RIC8B: variants seen among roughly 807,000 people sequenced by gnomAD.
The protein encoded by RIC8B is RIC8 guanine nucleotide exchange factor B, also known as chaperone Ric-8B.
RIC8B carries 16 observed loss-of-function variants against 57.5 expected under a neutral mutation model. That is an observed-to-expected ratio of 0.28 (90% CI 0.19 to 0.42). The LOEUF is 0.42. RIC8B is among the 10% of genes least tolerant of loss of function. RIC8B has a pLI of 1.00. For synonymous variants in RIC8B, 216 were observed against 250.8 expected (o/e 0.86, Z 1.31); for missense variants, 481 against 677.0 (o/e 0.71, Z 3.21).
intron 2 of RIC8B, among the ~76,000 whole-genome samples, chr12:106,814,250 C>T (rs2045468392): frequency 2.6e-5 from 4 of 152,032 alleles, no homozygotes; most frequent in Admixed American, 2.0e-4. Context: ...AATTTTTTAT[C>T]AGTTTGTCAG....
At chr12:106,784,536 T>A (rs1034671778) in intron 2 of RIC8B, among the ~76,000 whole-genome samples, 4 of 152,086 alleles carry the variant, frequency 2.6e-5, no homozygotes, top group Admixed American at 1.3e-4. Context: ...TTTTAAAATT[T>A]TTTTGTAGAG....
At chr12:106,849,120 G>T (rs954334382) in intron 6 of RIC8B, among the ~76,000 whole-genome samples, 15 of 152,054 alleles carry the variant, frequency 9.9e-5, no homozygotes, top group African/African-American at 3.6e-4. Context: ...AGCTAAAAGA[G>T]TGTAATTGGA....
At position 106,887,886 on chromosome 12, in the gene RIC8B, C is replaced by T. The variant is rs995357599; in HGVS notation, c.*1871C>T. On this transcript the variant is annotated 3_prime_UTR_variant, in exon 10 of 10. Transcript: ENST00000392837. ...TTAAAAGAAGAAATTAAATCCAGAA[C>T]GCTTTATAAAAGGGTAGGAAGAAGA... The T allele has an allele frequency of 1.4e-4, 21 of 152,406 alleles. No individual in the cohort carries two copies. The highest frequency in any genetic ancestry group is 7.7e-4 in the East Asian group (4 of 5,182). The allele number at this position is 152,406 out of a possible 1,614,324, so 9.4% of individuals were successfully genotyped here. A position where few individuals can be genotyped will look rare whatever the true frequency, so the allele number is the denominator to read the frequency against.
chr12:106,885,759 AAC>A, intron 9 of RIC8B, 143 bp from the exon 10 acceptor site: 2 of 604,502 alleles, frequency 3.3e-6, no homozygotes, highest in Non-Finnish European at 5.8e-6. Context: ...TCCTATTACA[AAC>A]ACACAGAGAA....
intron 9 of RIC8B, among the ~76,000 whole-genome samples, chr12:106,882,599 C>G (rs553195196): frequency 3.0e-4 from 46 of 152,148 alleles, no homozygotes; most frequent in Non-Finnish European, 2.6e-4. Flanking sequence ...TGCCCAAGAT[C>G]ACACAGCTGG....
At chr12:106,851,339 T>G in intron 6 of RIC8B, 111 bp from the exon 7 acceptor site, 3 of 302,494 alleles carry the variant, frequency 9.9e-6, no homozygotes, top group Non-Finnish European at 1.2e-5. Flanking sequence ...TTTTTTTTGC[T>G]CCTACAATAC....
intron 1 of RIC8B, chr12:106,775,192 C>T (rs899909580): frequency 1.2e-5 from 5 of 410,098 alleles, no homozygotes; most frequent in East Asian, 6.3e-5. Flanking sequence ...CATAAAAATA[C>T]GTGCTTCCCT....
Position 106,842,670 on chromosome 12 carries a change from C to T in RIC8B, c.918C>T (p.Ala306=). 1 of 1,613,768 alleles carries T rather than the reference C, an allele frequency of 6.2e-7. No individual in the cohort carries two copies. The highest frequency in any genetic ancestry group is 8.5e-7 in the Non-Finnish European group (1 of 1,179,868). Residue 306 remains alanine (A), a synonymous_variant, in exon 5 of 10, where the codon GCC becomes GCT. Coordinates refer to ENST00000392837, the MANE Select transcript of RIC8B (RefSeq NM_001330145.2). ...GTCCGTTAACCCATGAAGAAACAGC[C>T]CAAGAGGCAACGACTCTAGATGAAC... ...LICPLTHEET[A]QEATTLDELP...
Position 106,843,871 on chromosome 12 carries a change from GT to G in RIC8B, c.1086del (p.Leu363Ter), listed in dbSNP as rs1949070217. ...TTATAGGGAAGCAGCTATAGAGAGG[GT>G]CTAACTCCAGTTCTCAGCTTATTAA... ...RIDKGSSYRE[G>X]LTPVLSLLTE... On this transcript the variant is annotated frameshift_variant, in exon 6 of 10. Transcript: ENST00000392837. LOFTEE classifies it high-confidence loss of function. 6.2e-7 allele frequency: 1 copy of G among 1,612,502 alleles called. No homozygotes were observed. Among genetic ancestry groups the G allele is most frequent in the African/African-American group, 1.3e-5 (1 of 74,704 alleles).
chr12:106,870,282 C>A (rs1430000633), intron 8 of RIC8B, among the ~76,000 whole-genome samples: 1 of 152,006 alleles, frequency 6.6e-6, no homozygotes, highest in Non-Finnish European at 1.5e-5. Context: ...TAAAATTGTT[C>A]TTCTGCTTTA....
At chr12:106,875,713 T>C (rs914188503) in intron 9 of RIC8B, among the ~76,000 whole-genome samples, 2 of 152,144 alleles carry the variant, frequency 1.3e-5, no homozygotes, top group African/African-American at 2.4e-5. Context: ...TTAAAATTTA[T>C]ATTTATATAA....
intron 9 of RIC8B, among the ~76,000 whole-genome samples, chr12:106,876,192 G>A (rs1428375316): frequency 6.6e-6 from 1 of 152,046 alleles, no homozygotes; most frequent in Non-Finnish European, 1.5e-5. Context: ...TGACTGTTGA[G>A]CACTTGAAAT....
chr12:106,873,994 C>T (rs144303286), intron 9 of RIC8B, among the ~76,000 whole-genome samples: 32 of 152,280 alleles, frequency 2.1e-4, no homozygotes, highest in East Asian at 5.8e-4. Context: ...TTGATTAGTA[C>T]GTTATCAGAT....
chr12:106,868,418 G>A (rs1950229828), intron 8 of RIC8B: 1 of 450,270 alleles, frequency 2.2e-6, no homozygotes, highest in Non-Finnish European at 4.5e-6. Context: ...CTTTGCTTGG[G>A]AAGTGGTATG....
rs528290231 is a variant in RIC8B at position 106,879,317 on chromosome 12, C to T, written c.1572-6587C>T. 1.0e-6 allele frequency: 1 copy of T among 985,168 alleles called. No individual in the cohort carries two copies. The highest frequency in any genetic ancestry group is 1.2e-6 in the Non-Finnish European group (1 of 829,896). 61.0% of individuals were successfully genotyped at this position (985,168 alleles called of 1,614,324 possible). On this transcript the variant is annotated intron_variant, in intron 9 of 9. Transcript: ENST00000392837. This position sits in a 1 kb window ranked among gnomAD's most constrained non-coding sequence, Gnocchi z 4.9. ...TCAAGTAAAGTGTTTTATACACATA[C>T]ACGTCTGACCTATTCTATATTGTGC...
At chr12:106,869,713 A>G (rs953899986) in intron 8 of RIC8B, among the ~76,000 whole-genome samples, 48 of 152,296 alleles carry the variant, frequency 3.2e-4, no homozygotes, top group African/African-American at 1.1e-3. Flanking sequence ...CTGAGGCAGG[A>G]GGAACACTTG....
intron 1 of RIC8B, among the ~76,000 whole-genome samples, chr12:106,777,511 G>T (rs1482052786): frequency 6.6e-6 from 1 of 152,212 alleles, no homozygotes; most frequent in East Asian, 1.9e-4. Context: ...AGAGAGAAAT[G>T]AATGCTGTAG....
intron 9 of RIC8B, among the ~76,000 whole-genome samples, chr12:106,885,411 A>G (rs1476184853): frequency 6.6e-6 from 1 of 152,152 alleles, no homozygotes; most frequent in East Asian, 1.9e-4. Context: ...ATGAATCAAC[A>G]TGTACTTACA....
intron 2 of RIC8B, chr12:106,798,013 C>G (rs977308070): frequency 1.4e-6 from 1 of 710,900 alleles, no homozygotes; most frequent in African/African-American, 1.8e-5. Flanking sequence ...GAACATAAAG[C>G]TTTGACATTA....
Sources: gnomAD v4.1 joint callset for allele counts (sites outside exome capture counted in the v4.1 genomes callset) on GRCh38, gnomAD v4.1.1 for gene constraint, Gnocchi (gnomAD v3.1) non-coding constraint, MANE v1.5 for transcripts, NCBI Gene and HGNC (gene_info 2026-07-23, HGNC 2026-07-21) for gene names.